The following C21orf91 variants were observed in gnomAD, a reference collection of about 807,000 sequenced individuals.
C21orf91 encodes the protein protein EURL homolog.
C21orf91 carries 26 observed loss-of-function variants against 32.9 expected under a neutral mutation model. That is an observed-to-expected ratio of 0.79 (90% CI 0.58 to 1.10). The LOEUF is 1.10. C21orf91 is among the 50% of genes least tolerant of loss of function. The pLI is 0.00. For synonymous variants in C21orf91, 126 were observed against 120.4 expected, an observed-to-expected ratio of 1.05 and a Z score of -0.31; for missense variants, 310 against 341.3, an observed-to-expected ratio of 0.91 and a Z score of 0.72.
At chr21:17,804,427 C>T (rs756056386) in intron 2 of C21orf91, among the ~76,000 whole-genome samples, 1 of 152,246 alleles carries the variant, frequency 6.6e-6, no homozygotes, top group Non-Finnish European at 1.5e-5. Context: ...TCCTCACCCT[C>T]ATGCCTTTAG....
intron 2 of C21orf91, among the ~76,000 whole-genome samples, chr21:17,814,942 G>A (rs2062655949): frequency 6.6e-6 from 1 of 152,150 alleles, no homozygotes; most frequent in Admixed American, 6.5e-5. Flanking sequence ...TGTTTCTCAG[G>A]TCCTTAAAGC....
chr21:17,793,437 G>A lies in C21orf91; in HGVS notation c.872C>T (p.Ser291Leu), dbSNP rs551741122. Residue 291 changes from serine to leucine, a missense_variant, in exon 5 of 5, where the codon TCG (serine) becomes TTG (leucine). Coordinates refer to ENST00000284881, the MANE Select transcript of C21orf91 (RefSeq NM_001100420.2). ...AGGTCAGTTGTTTATGGGTAGGTGC[G>A]ACTTCATTCCTGTTCGCCCTACTTG... The part of the protein sequence containing the change: ...CLQVGRTGMK[S>L]HLPINN 87 of 1,611,126 alleles carry A rather than the reference G, an allele frequency of 5.4e-5. No individual in the cohort carries two copies. In the East Asian group the frequency reaches 9.2e-4, roughly 17 times the overall value.
intron 2 of C21orf91, chr21:17,810,603 A>T (rs1262238121): frequency 2.0e-5 from 3 of 152,202 alleles, no homozygotes; most frequent in African/African-American, 7.2e-5. Flanking sequence ...GCTTCCACTC[A>T]CTCATAATCC....
chr21:17,797,319 T>C (rs1021794030), intron 2 of C21orf91, among the ~76,000 whole-genome samples: 1 of 152,212 alleles, frequency 6.6e-6, no homozygotes, highest in Admixed American at 6.5e-5. Flanking sequence ...TTCTTATGGA[T>C]AGCAAAATCT....
At chr21:17,795,816 A>G (rs1197775714) in intron 3 of C21orf91, among the ~76,000 whole-genome samples, 10 of 152,176 alleles carry the variant, frequency 6.6e-5, no homozygotes, top group South Asian at 2.1e-4. Context: ...CCACCCTCCA[A>G]TGAAATAAAA....
At position 17,791,745 on chromosome 21, in the gene C21orf91, C is replaced by A. The variant is rs1465035546; in HGVS notation, c.*1670G>T. 3 of 152,132 alleles carry A rather than the reference C, an allele frequency of 2.0e-5. No homozygotes were observed. Among genetic ancestry groups the A allele is most frequent in the Non-Finnish European group, 4.4e-5 (3 of 67,980 alleles). The allele number at this position is 152,132 out of a possible 1,614,324, so 9.4% of individuals were successfully genotyped here. On this transcript the variant is annotated 3_prime_UTR_variant, in exon 5 of 5. Transcript: ENST00000284881. Reference sequence around the variant, plus strand: ...AAAGCTCATCAAAACTAAGGCAATGCATCCATACTCCCTGGATTTTAAATT... The same window carrying A: ...AAAGCTCATCAAAACTAAGGCAATGAATCCATACTCCCTGGATTTTAAATT...
rs1204388980 is a variant in C21orf91, at chr21:17,793,040, G to C, written c.*375C>G. 1 of 153,866 alleles carries C rather than the reference G, an allele frequency of 6.5e-6. No homozygotes were observed. The highest frequency in any genetic ancestry group is 1.4e-5 in the Non-Finnish European group (1 of 69,146). 9.5% of individuals were successfully genotyped at this position (153,866 alleles called of 1,614,324 possible). A position where few individuals can be genotyped will look rare whatever the true frequency, so the allele number is the denominator to read the frequency against. The stretch of plus-strand genomic sequence containing the variant: ...AAAATATTGCTCATAATAAATAAGA[G>C]GTGATATGAATTCCATTTCCCTCTT... On this transcript the variant is annotated 3_prime_UTR_variant, in exon 5 of 5. Transcript: ENST00000284881.
chr21:17,815,713 T>A (rs1197923242), intron 2 of C21orf91, among the ~76,000 whole-genome samples: 1 of 151,926 alleles, frequency 6.6e-6, no homozygotes, highest in Non-Finnish European at 1.5e-5. Context: ...CAGGATGGAG[T>A]GCGATGGCAC....
rs2062490497 is a variant in C21orf91 at position 17,793,174 on chromosome 21, G to T, written c.*241C>A. On this transcript the variant is annotated 3_prime_UTR_variant, in exon 5 of 5. Transcript: ENST00000284881. ...TAACAGTATATTTAAGTAGTCACAT[G>T]TGATAAAATTTGTTTAGTAATTCTG... 1 of 294,984 alleles carries T rather than the reference G, an allele frequency of 3.4e-6. No homozygotes were observed. Among genetic ancestry groups the T allele is most frequent in the African/African-American group, 2.3e-5 (1 of 44,310 alleles). The allele number at this position is 294,984 out of a possible 1,614,324, so 18.3% of individuals were successfully genotyped here.
chr21:17,792,500 A>G lies in C21orf91; in HGVS notation c.*915T>C, dbSNP rs1358929578. 6.6e-6 allele frequency: 1 copy of G among 152,086 alleles called. No homozygotes were observed. The highest frequency in any genetic ancestry group is 1.5e-5 in the Non-Finnish European group (1 of 67,984). The allele number at this position is 152,086 out of a possible 1,614,324, so 9.4% of individuals were successfully genotyped here. A position where few individuals can be genotyped will look rare whatever the true frequency, so the allele number is the denominator to read the frequency against. ...ACTTTTTTTTTTCAAAGACAGAACA[A>G]TTTCACAGCACACTCAATTTGAAGA... On this transcript the variant is annotated 3_prime_UTR_variant, in exon 5 of 5. Transcript: ENST00000284881.
At chr21:17,804,801 T>C (rs1170085422) in intron 2 of C21orf91, among the ~76,000 whole-genome samples, 1 of 152,202 alleles carries the variant, frequency 6.6e-6, no homozygotes, top group Admixed American at 6.5e-5. Flanking sequence ...GAGACAATGA[T>C]AAACCTCACC....
At chr21:17,804,556 A>C (rs1471605911) in intron 2 of C21orf91, among the ~76,000 whole-genome samples, 1 of 152,264 alleles carries the variant, frequency 6.6e-6, no homozygotes, top group African/African-American at 2.4e-5. Context: ...AATATTGGCA[A>C]CCACATGAAG....
chr21:17,792,792 AAAC>A lies in C21orf91; in HGVS notation c.*620_*622del, dbSNP rs2062486955. ...CTTTTACAAGAGGTATTAGAAATTA[AAAC>A]AACTCAGATTTCTAATCCAAAATAT... On this transcript the variant is annotated 3_prime_UTR_variant, in exon 5 of 5. Transcript: ENST00000284881. 5 of 152,622 alleles carry A rather than the reference AAAC, an allele frequency of 3.3e-5. No homozygotes were observed. The South Asian group carries it at 6.2e-4, about 19-fold the overall frequency. The allele number at this position is 152,622 out of a possible 1,614,324, so 9.5% of individuals were successfully genotyped here. A position where few individuals can be genotyped will look rare whatever the true frequency, so the allele number is the denominator to read the frequency against.
chr21:17,810,102 C>T (rs1417878277), intron 2 of C21orf91, among the ~76,000 whole-genome samples: 1 of 152,120 alleles, frequency 6.6e-6, no homozygotes, highest in African/African-American at 2.4e-5. Flanking sequence ...TTCACTCCAA[C>T]CAGAACTGTG....
intron 2 of C21orf91, among the ~76,000 whole-genome samples, chr21:17,814,348 A>T (rs1049888579): frequency 2.6e-5 from 4 of 152,214 alleles, no homozygotes; most frequent in Non-Finnish European, 4.4e-5. Context: ...TGTATGAAAA[A>T]GTTCATAGTG....
chr21:17,790,740 T>A lies in C21orf91; in HGVS notation c.*2675A>T, dbSNP rs932234240. 3 of 152,126 alleles carry A rather than the reference T, an allele frequency of 2.0e-5. No individual in the cohort carries two copies. The highest frequency in any genetic ancestry group is 2.9e-5 in the Non-Finnish European group (2 of 67,958). The allele number at this position is 152,126 out of a possible 1,614,324, so 9.4% of individuals were successfully genotyped here. A position where few individuals can be genotyped will look rare whatever the true frequency, so the allele number is the denominator to read the frequency against. ...TGAGGATCAAAGGATAAGATGATAATCTCAAAGTAAAACATAATTGATTTT... is the reference window on the plus strand; with the variant it reads ...TGAGGATCAAAGGATAAGATGATAAACTCAAAGTAAAACATAATTGATTTT... On this transcript the variant is annotated 3_prime_UTR_variant, in exon 5 of 5. Coordinates refer to ENST00000284881, the MANE Select transcript of C21orf91 (RefSeq NM_001100420.2).
intron 2 of C21orf91, 112 bp downstream of exon 2, chr21:17,818,080 A>C (rs2062676575): frequency 1.4e-6 from 1 of 729,132 alleles, no homozygotes; most frequent in Non-Finnish European, 2.3e-6. Context: ...TACACTATTC[A>C]TACTTAGCAC....
intron 2 of C21orf91, among the ~76,000 whole-genome samples, chr21:17,815,909 C>A (rs1025002269): frequency 2.6e-5 from 4 of 152,194 alleles, no homozygotes; most frequent in Admixed American, 2.6e-4. Flanking sequence ...ATCCGCCTGC[C>A]TTGGCCTCCC....
At chr21:17,814,015 GGTT>G (rs1356729301) in intron 2 of C21orf91, 1 of 151,846 alleles carries the variant, frequency 6.6e-6, no homozygotes, top group African/African-American at 2.4e-5. Context: ...AAAAAAAAAA[GGTT>G]TTTTTTCCTC....
Sources: gnomAD v4.1 joint callset for allele counts (sites outside exome capture counted in the v4.1 genomes callset) on GRCh38, gnomAD v4.1.1 for gene constraint, MANE v1.5 for transcripts, NCBI Gene and HGNC (gene_info 2026-07-23, HGNC 2026-07-21) for gene names.